RASSF4: variants seen among roughly 807,000 people sequenced by gnomAD.
The protein encoded by RASSF4 is Ras association domain family member 4.
Under a neutral mutation model 41.1 loss-of-function variants are expected in RASSF4, and 38 were observed. That is an observed-to-expected ratio of 0.92 (90% CI 0.71 to 1.21). RASSF4 has a LOEUF of 1.21. Among genes scored for constraint, RASSF4 ranks in the 50% most tolerant of loss-of-function variants. The probability of loss-of-function intolerance (pLI) is 0.00; values close to 1 mark genes in which losing one functional copy is unlikely to be tolerated. For synonymous variants in RASSF4, 179 were observed against 163.4 expected (o/e 1.10, Z -0.73); for missense variants, 414 against 419.4 (o/e 0.99, Z 0.11).
At chr10:44,973,477 A>G (rs1490681355) in intron 3 of RASSF4, among the ~76,000 whole-genome samples, 2 of 152,198 alleles carry the variant, frequency 1.3e-5, no homozygotes, top group East Asian at 3.9e-4. Context: ...CTGGCTGTTC[A>G]GGGATTGATC....
Position 44,969,108 on chromosome 10 carries a change from T to TTTTTTG in RASSF4, c.-38-1056_-38-1055insTTTTGT, listed in dbSNP as rs759153556. ...CATGTGATTGTGTATGCGTGTGTTT[T>TTTTTTG]TGTGTGTGTGTGTGTGTGTGTATGT... On this transcript the variant is annotated intron_variant, in intron 1 of 10. Transcript: ENST00000340258. Among the ~76,000 whole-genome samples the TTTTTTG allele has an allele frequency of 3.3e-5, 5 of 149,736 alleles. No homozygotes were observed. The East Asian group carries it at 5.9e-4, about 18-fold the overall frequency.
At chr10:44,977,961 G>C in intron 3 of RASSF4, 7 of 1,612,106 alleles carry the variant, frequency 4.3e-6, no homozygotes, top group Non-Finnish European at 5.9e-6. Flanking sequence ...GGACCCCCAA[G>C]CAGCATCTCC....
chr10:44,994,564 A>G lies in RASSF4; in HGVS notation c.*1235A>G, dbSNP rs1842231950. 1 of 152,198 alleles carries G rather than the reference A, an allele frequency of 6.6e-6. No homozygotes were observed. Among genetic ancestry groups the G allele is most frequent in the Admixed American group, 6.5e-5 (1 of 15,286 alleles). 9.4% of individuals were successfully genotyped at this position (152,198 alleles called of 1,614,324 possible). The stretch of plus-strand genomic sequence containing the variant: ...ATGCTGTGCGGAACTGCGTCAGGGC[A>G]AATGTCACAGCAGGATTTCCCCAAC... On this transcript the variant is annotated 3_prime_UTR_variant, in exon 11 of 11. Coordinates refer to ENST00000340258, the MANE Select transcript of RASSF4 (RefSeq NM_032023.4).
intron 3 of RASSF4, among the ~76,000 whole-genome samples, chr10:44,975,088 T>TGGGGCGCGGCGCCGAGGCTCC (rs1397835870): frequency 3.3e-5 from 5 of 151,928 alleles, no homozygotes; most frequent in African/African-American, 4.8e-5. Flanking sequence ...CCCGCCCGCC[T>TGGGGCGCGGCGCCGAGGCTCC]GGGGCGCGGC....
intron 8 of RASSF4, among the ~76,000 whole-genome samples, chr10:44,990,025 A>C (rs1842052235): frequency 6.6e-6 from 1 of 152,250 alleles, no homozygotes; most frequent in East Asian, 1.9e-4. Context: ...AGGATTCTGA[A>C]GGAGAATCCC....
In RASSF4 at chr10:44,971,832, A is replaced by C; in HGVS notation, c.122A>C (p.Gln41Pro). The change falls in exon 3 of 11, where the codon CAG (glutamine) becomes CCG (proline). Residue 41 changes from glutamine (Q) to proline (P), a missense_variant. Gln to Pro is a moderately conservative substitution (Grantham distance 76). Transcript: ENST00000340258. ...TGCTACCATGAGGGCAAGAGCTTCC[A>C]GCTGAGACACCGTGAGGTGAGCCTG... ...YNCYHEGKSF[Q>P]LRHREEEGTL... The C allele has an allele frequency of 6.2e-7, 1 of 1,611,822 alleles. No individual in the cohort carries two copies. Among genetic ancestry groups the C allele is most frequent in the Non-Finnish European group, 8.5e-7 (1 of 1,178,182 alleles).
chr10:44,990,564 G>T (rs1183904623), intron 8 of RASSF4: 3 of 160,532 alleles, frequency 1.9e-5, no homozygotes, highest in Non-Finnish European at 2.7e-5. Context: ...GGTTCCTCTG[G>T]TGCCCTCTCC....
intron 3 of RASSF4, among the ~76,000 whole-genome samples, chr10:44,979,722 C>CCCT (rs1841622707): frequency 1.3e-5 from 2 of 152,116 alleles, no homozygotes; most frequent in Non-Finnish European, 2.9e-5. Context: ...GGCCTGCAGA[C>CCCT]TGGCCCATGT....
At chr10:44,973,580 C>T (rs1841270533) in intron 3 of RASSF4, among the ~76,000 whole-genome samples, 1 of 152,244 alleles carries the variant, frequency 6.6e-6, no homozygotes, top group African/African-American at 2.4e-5. Flanking sequence ...CCTCTCCCAG[C>T]CTGCTGAACC....
At chr10:44,964,259 G>C (rs1039623817) in intron 1 of RASSF4, among the ~76,000 whole-genome samples, 2 of 152,248 alleles carry the variant, frequency 1.3e-5, no homozygotes, top group Non-Finnish European at 2.9e-5. Context: ...TGCCGCCTAG[G>C]GGGCCTCCTC....
intron 4 of RASSF4, chr10:44,983,036 G>C: frequency 2.1e-6 from 1 of 483,418 alleles, no homozygotes; most frequent in Non-Finnish European, 4.0e-6. Context: ...TTACTACTCT[G>C]TTTTCATTTT....
chr10:44,989,405 A>C (rs1407104511), intron 7 of RASSF4, 30 bp downstream of exon 7: 2 of 1,477,204 alleles, frequency 1.4e-6, no homozygotes, highest in African/African-American at 1.4e-5. Context: ...GCCTTGCCCC[A>C]GGATGCCAGT....
In RASSF4 at chr10:44,977,595, C is replaced by T. The variant is rs142587542; in HGVS notation, c.139-4926C>T. 6.8e-6 allele frequency: 11 copies of T among 1,613,236 alleles called. No homozygotes were observed. In the Middle Eastern group the frequency reaches 4.9e-4, roughly 72 times the overall value. The stretch of plus-strand genomic sequence containing the variant: ...TCACAGAGCCTCCCTCTGGGGGCCC[C>T]CATGGGCTTGCTGCTGTCCATCTGT... On this transcript the variant is annotated intron_variant, in intron 3 of 10. Coordinates refer to ENST00000340258, the MANE Select transcript of RASSF4 (RefSeq NM_032023.4).
At chr10:44,967,513 C>A (rs1321652755) in intron 1 of RASSF4, among the ~76,000 whole-genome samples, 1 of 152,206 alleles carries the variant, frequency 6.6e-6, no homozygotes, top group African/African-American at 2.4e-5. Flanking sequence ...AAGAGTTGCC[C>A]CGTCGAAGAA....
Position 44,970,253 on chromosome 10 carries a change from G to C in RASSF4, c.51G>C (p.Lys17Asn). 1 of 1,614,032 alleles carries C rather than the reference G, an allele frequency of 6.2e-7. No homozygotes were observed. The highest frequency in any genetic ancestry group is 1.6e-4 in the Middle Eastern group (1 of 6,062). ...CTCACGTGCCCATCAGTGACAGCAA[G>C]TCCATTCAGAAGTAAGCCTTGGTGT... The part of the protein sequence containing the change: ...PSSHVPISDS[K>N]SIQKSELLGL... Residue 17 changes from lysine to asparagine, a missense_variant, in exon 2 of 11, where the codon AAG becomes AAC. By Grantham distance (94) the Lys-to-Asn change is moderately conservative. Transcript: ENST00000340258.
At chr10:44,990,877 A>C in intron 8 of RASSF4, 71 bp from the exon 9 acceptor site, 1 of 1,514,704 alleles carries the variant, frequency 6.6e-7, no homozygotes, top group Non-Finnish European at 9.0e-7. Flanking sequence ...ATTTTCTATC[A>C]GTTCCTAATC....
chr10:44,984,821 G>A lies in RASSF4; in HGVS notation c.382G>A (p.Glu128Lys). 1 of 1,613,538 alleles carries A rather than the reference G, an allele frequency of 6.2e-7. No individual in the cohort carries two copies. The highest frequency in any genetic ancestry group is 2.2e-5 in the East Asian group (1 of 44,882). Residue 128 changes from glutamate to lysine, a missense_variant, in exon 6 of 11, where the codon GAG becomes AAG. By Grantham distance (56) the Glu-to-Lys change is moderately conservative. Coordinates refer to ENST00000340258, the MANE Select transcript of RASSF4 (RefSeq NM_032023.4). ...ACCCATTTCTCATGCAGGGCCCCTG[G>A]AGGAGGCAGAGGAGGCCCCCCAGCT... ...ESSTDSSGPL[E>K]EAEEAPQLMR...
At chr10:44,975,901 C>CCT in intron 3 of RASSF4, among the ~76,000 whole-genome samples, 1 of 151,960 alleles carries the variant, frequency 6.6e-6, no homozygotes, top group East Asian at 1.9e-4. Flanking sequence ...ATCCTAGTTG[C>CCT]CGGACTCTCC....
At chr10:44,977,920 C>T in intron 3 of RASSF4, 2 of 1,612,730 alleles carry the variant, frequency 1.2e-6, no homozygotes, top group Non-Finnish European at 1.7e-6. Flanking sequence ...CGTAGTCATC[C>T]AGGCTAGGAG....
Sources: allele counts gnomAD v4.1 joint callset (sites outside exome capture counted in the v4.1 genomes callset), GRCh38; gene constraint gnomAD v4.1.1; transcripts MANE v1.5; gene names NCBI Gene and HGNC (gene_info 2026-07-23, HGNC 2026-07-21).